The following FAM185A variants were observed in gnomAD, a reference collection of about 807,000 sequenced individuals.
FAM185A encodes the protein family with sequence similarity 185 member A, also known as protein FAM185A.
Under a neutral mutation model 45.7 loss-of-function variants are expected in FAM185A, and 21 were observed. That is an observed-to-expected ratio of 0.46 (90% CI 0.33 to 0.66). FAM185A has a LOEUF of 0.66. Ranked by LOEUF, FAM185A falls within the 30% of genes least tolerant of loss-of-function variation. FAM185A has a pLI of 0.03. For synonymous variants in FAM185A, 117 were observed against 194.0 expected (o/e 0.60, Z 3.30); for missense variants, 305 against 485.4 (o/e 0.63, Z 3.49).
At chr7:102,843,311 C>T in the FAM185A span, among the ~76,000 whole-genome samples, 73 of 151,920 alleles carry the variant, frequency 4.8e-4, no homozygotes, top group Non-Finnish European at 8.1e-4. Context: ...GGCGTGGTGG[C>T]GCATGCCTGT....
chr7:102,826,591 C>T, the FAM185A span, among the ~76,000 whole-genome samples: 2 of 150,340 alleles, frequency 1.3e-5, no homozygotes, highest in Admixed American at 1.3e-4. Flanking sequence ...CAAAAATTAG[C>T]TGGGTATGCT....
chr7:102,801,466 C>T (rs1796785874), intron 7 of FAM185A, among the ~76,000 whole-genome samples: 1 of 152,134 alleles, frequency 6.6e-6, no homozygotes, highest in African/African-American at 2.4e-5. Flanking sequence ...AAGAATTCAC[C>T]AACCAACTAT....
At chr7:102,814,981 G>A in the FAM185A span, among the ~76,000 whole-genome samples, 19 of 151,986 alleles carry the variant, frequency 1.3e-4, no homozygotes, top group Non-Finnish European at 2.4e-4. Flanking sequence ...TTCTATAAAG[G>A]TGAGATTATC....
chr7:102,809,756 A>C (rs1166355507), downstream of FAM185A, among the ~76,000 whole-genome samples: 2 of 152,160 alleles, frequency 1.3e-5, no homozygotes, highest in Non-Finnish European at 2.9e-5. Context: ...ACTATACTAT[A>C]AGACCAGACC....
chr7:102,842,080 T>C, the FAM185A span, among the ~76,000 whole-genome samples: 28,051 of 151,924 alleles, frequency 0.18, 2,655 homozygotes, highest in Middle Eastern at 0.27. Context: ...TAACCTGGAG[T>C]ATTGGATGAG....
intron 7 of FAM185A, 98 bp downstream of exon 7, chr7:102,787,567 T>A: frequency 7.9e-7 from 1 of 1,262,990 alleles, no homozygotes; most frequent in Non-Finnish European, 1.0e-6. Flanking sequence ...TTTTTTATAT[T>A]TTTCCATTAT....
At chr7:102,830,592 G>T in the FAM185A span, among the ~76,000 whole-genome samples, 83 of 152,208 alleles carry the variant, frequency 5.5e-4, no homozygotes, top group African/African-American at 1.9e-3. Flanking sequence ...GAACTTTTTG[G>T]CTTAGTTTTG....
At chr7:102,785,435 C>T (rs1472848370) in intron 6 of FAM185A, among the ~76,000 whole-genome samples, 10 of 151,110 alleles carry the variant, frequency 6.6e-5, no homozygotes, top group African/African-American at 2.0e-4. Flanking sequence ...AACTATACTA[C>T]AAGGCTACAG....
At chr7:102,821,740 A>T in the FAM185A span, among the ~76,000 whole-genome samples, 2 of 152,194 alleles carry the variant, frequency 1.3e-5, no homozygotes. Flanking sequence ...AGGGGAGATT[A>T]ACTGAATGGA....
At position 102,761,261 on chromosome 7, in the gene FAM185A, T is replaced by C; in HGVS notation, c.655-12T>C. The C allele has an allele frequency of 6.5e-7, 1 of 1,527,012 alleles. No individual in the cohort carries two copies. The highest frequency in any genetic ancestry group is 8.8e-7 in the Non-Finnish European group (1 of 1,139,148). The allele number at this position is 1,527,012 out of a possible 1,614,324, so 94.6% of individuals were successfully genotyped here. The stretch of plus-strand genomic sequence containing the variant: ...TGTTTTATAATGAACTGATTAGTCT[T>C]TCTCTTACTAGGCTGTGACCATAGA... On this transcript the variant is annotated splice_polypyrimidine_tract_variant and intron_variant, in intron 3 of 7. Transcript: ENST00000413034.
the FAM185A span, chr7:102,821,906 A>G: frequency 9.7e-7 from 1 of 1,026,388 alleles, no homozygotes; most frequent in Non-Finnish European, 1.4e-6. Context: ...GTTAGCTTCA[A>G]TTAGGCAAAA....
intron 6 of FAM185A, among the ~76,000 whole-genome samples, chr7:102,786,439 A>C (rs149233070): frequency 0.021 from 3,257 of 152,338 alleles, 48 homozygotes; most frequent in Non-Finnish European, 0.033. Context: ...CAAATGTCCA[A>C]CAATGACAGA....
intron 7 of FAM185A, 128 bp downstream of exon 7, chr7:102,787,597 T>C (rs1374207059): frequency 9.8e-7 from 1 of 1,024,684 alleles, no homozygotes; most frequent in Non-Finnish European, 1.3e-6. Context: ...ATGTTTGACA[T>C]CTTTTTTTCT....
chr7:102,826,724 CATATATA>C, the FAM185A span, among the ~76,000 whole-genome samples: 8 of 62,732 alleles, frequency 1.3e-4, no homozygotes, highest in Admixed American at 4.8e-4. Context: ...GACCCTGTCT[CATATATA>C]TATATATATA....
At chr7:102,762,824 A>G (rs1378566057) in intron 4 of FAM185A, among the ~76,000 whole-genome samples, 1 of 144,200 alleles carries the variant, frequency 6.9e-6, no homozygotes, top group African/African-American at 2.6e-5. Context: ...GATGAAGCAA[A>G]TGGTTTTGTT....
intron 6 of FAM185A, among the ~76,000 whole-genome samples, chr7:102,781,056 G>A (rs1349340042): frequency 2.6e-5 from 4 of 152,104 alleles, no homozygotes; most frequent in Admixed American, 1.3e-4. Context: ...ACGGAGCCTC[G>A]CTCATTGCTA....
Position 102,794,404 on chromosome 7 carries a change from A to AAGAT in FAM185A, c.1066+6937_1066+6940dup, listed in dbSNP as rs1796323194. 2.6e-5 allele frequency among the ~76,000 whole-genome samples: 4 copies of AAGAT among 152,358 alleles called. No individual in the cohort carries two copies. In the South Asian group the frequency reaches 6.2e-4, roughly 24 times the overall value. ...ATATGATGGCAAAAAAATACACAAA[A>AAGAT]AGATATTTACCATCACTAGCCATTA... On this transcript the variant is annotated intron_variant, in intron 7 of 7. Coordinates refer to ENST00000413034, the MANE Select transcript of FAM185A (RefSeq NM_001145268.2).
the FAM185A span, among the ~76,000 whole-genome samples, chr7:102,830,809 TTC>T: frequency 6.6e-6 from 1 of 152,208 alleles, no homozygotes; most frequent in African/African-American, 2.4e-5. Context: ...ACCTTGTAAT[TTC>T]TGAGGATTTT....
the FAM185A span, chr7:102,827,080 C>G: frequency 2.3e-6 from 1 of 442,080 alleles, no homozygotes; most frequent in South Asian, 1.6e-5. Flanking sequence ...TTGTGACTTG[C>G]TTTGACCAAA....
Sources: gnomAD v4.1 joint callset for allele counts (sites outside exome capture counted in the v4.1 genomes callset) on GRCh38, gnomAD v4.1.1 for gene constraint, MANE v1.5 for transcripts, NCBI Gene and HGNC (gene_info 2026-07-23, HGNC 2026-07-21) for gene names.